Variants in LBX2 observed in about 807,000 individuals in gnomAD.
The protein encoded by LBX2 is ladybird homeobox 2, also known as transcription factor LBX2.
In LBX2, 6 loss-of-function variants were observed where a neutral mutation model predicts 7.5. The ratio of observed to expected loss-of-function variants is 0.80; its 90% CI spans 0.44 to 1.59. The LOEUF (loss-of-function observed/expected upper bound fraction) is 1.59, where lower values mean the gene tolerates loss of function less well. LBX2 is among the 40% of genes most tolerant of loss of function. LBX2 has a pLI of 0.01. For missense variants in LBX2, 281 were observed against 282.0 expected, an observed-to-expected ratio of 1.00 and a Z score of 0.03; for synonymous variants, 143 against 133.2, an observed-to-expected ratio of 1.07 and a Z score of -0.51.
At chr2:74,499,857 G>A (rs901085841), upstream of LBX2, 2 of 382,698 alleles carry the variant, frequency 5.2e-6, no homozygotes, top group Admixed American at 4.2e-5. This position sits in a 1 kb window ranked among gnomAD's most constrained non-coding sequence, Gnocchi z 4.6. Context: ...CAGTCAGGCC[G>A]GGCCATACCT....
At chr2:74,503,160 A>G (rs988835706), upstream of LBX2, 3 of 371,860 alleles carry the variant, frequency 8.1e-6, no homozygotes, top group African/African-American at 2.1e-5. This position sits in a 1 kb window ranked among gnomAD's most constrained non-coding sequence, Gnocchi z 5.1. Context: ...GCGCGAAGCC[A>G]GAGAGGACCC....
chr2:74,499,972 A>C (rs1452776343), upstream of LBX2, among the ~76,000 whole-genome samples: 1 of 152,138 alleles, frequency 6.6e-6, no homozygotes, highest in Non-Finnish European at 1.5e-5. The surrounding 1 kb of genome is among the most constrained non-coding windows in gnomAD (Gnocchi z 4.6). Context: ...GGGATTTGCA[A>C]AGTTCTGAGG....
chr2:74,503,099 C>T (rs1294388031), upstream of LBX2: 1 of 475,334 alleles, frequency 2.1e-6, no homozygotes, highest in Non-Finnish European at 3.7e-6. This position sits in a 1 kb window ranked among gnomAD's most constrained non-coding sequence, Gnocchi z 5.1. Context: ...CCTGCCGCCA[C>T]CTCTCCTTTG....
chr2:74,499,158 G>C lies in LBX2; in HGVS notation c.205+175C>G. ...CTTCCGGAGCCGCCGCGGAACCTAG[G>C]GACTAACGGAGGAGAGGTGAGAAGT... On this transcript the variant is annotated intron_variant, in intron 1 of 1. Coordinates refer to ENST00000377566, the MANE Select transcript of LBX2 (RefSeq NM_001282430.2). This position sits in a 1 kb window ranked among gnomAD's most constrained non-coding sequence, Gnocchi z 4.6. 3.1e-6 allele frequency: 2 copies of C among 639,576 alleles called. No homozygotes were observed. Among genetic ancestry groups the C allele is most frequent in the South Asian group, 3.9e-5 (2 of 51,406 alleles). The allele number at this position is 639,576 out of a possible 1,614,324, so 39.6% of individuals were successfully genotyped here.
upstream of LBX2, chr2:74,502,876 C>A: frequency 1.3e-6 from 2 of 1,582,564 alleles, no homozygotes; most frequent in Non-Finnish European, 8.6e-7. This position sits in a 1 kb window ranked among gnomAD's most constrained non-coding sequence, Gnocchi z 5.4. Flanking sequence ...CTGGGAAAGA[C>A]TGGCCAGGCT....
At chr2:74,499,857 G>C (rs901085841), upstream of LBX2, 1 of 382,698 alleles carries the variant, frequency 2.6e-6, no homozygotes, top group Non-Finnish European at 4.7e-6. The surrounding 1 kb of genome is among the most constrained non-coding windows in gnomAD (Gnocchi z 4.6). Flanking sequence ...CAGTCAGGCC[G>C]GGCCATACCT....
At chr2:74,500,805 A>G (rs1674469989), upstream of LBX2, among the ~76,000 whole-genome samples, 1 of 152,158 alleles carries the variant, frequency 6.6e-6, no homozygotes, top group South Asian at 2.1e-4. Flanking sequence ...AAGCCCTGCC[A>G]CTCCTGAGGA....
upstream of LBX2, chr2:74,499,767 C>T (rs1258593916): frequency 1.7e-6 from 1 of 590,630 alleles, no homozygotes; most frequent in East Asian, 2.9e-5. The surrounding 1 kb of genome is among the most constrained non-coding windows in gnomAD (Gnocchi z 4.6). Flanking sequence ...GGGGCAGGCG[C>T]GGAGAGCAGA....
upstream of LBX2, among the ~76,000 whole-genome samples, chr2:74,500,791 A>G (rs568742908): frequency 6.6e-6 from 1 of 152,318 alleles, no homozygotes; most frequent in South Asian, 2.1e-4. Flanking sequence ...ACCTTAGAGC[A>G]GGGAAGCCCT....
intron 1 of LBX2, chr2:74,498,610 T>C (rs1212634254): frequency 1.3e-5 from 6 of 449,296 alleles, no homozygotes; most frequent in Non-Finnish European, 2.4e-5. Context: ...GGTCAAACCT[T>C]CTGGGGTGGA....
chr2:74,499,640 G>A (rs920958585), upstream of LBX2: 37 of 1,273,190 alleles, frequency 2.9e-5, no homozygotes, highest in Admixed American at 9.8e-5. This position sits in a 1 kb window ranked among gnomAD's most constrained non-coding sequence, Gnocchi z 4.6. Context: ...CCTCGGACCC[G>A]CCCCCGGCTC....
chr2:74,499,608 G>T (rs1415365012), upstream of LBX2: 60 of 1,464,722 alleles, frequency 4.1e-5, no homozygotes, highest in Non-Finnish European at 5.4e-5. This position sits in a 1 kb window ranked among gnomAD's most constrained non-coding sequence, Gnocchi z 4.6. Flanking sequence ...CCCAGTGCTC[G>T]GCTCCCAATC....
At chr2:74,501,940 C>G (rs967520571), upstream of LBX2, 2 of 152,052 alleles carry the variant, frequency 1.3e-5, no homozygotes, top group Admixed American at 1.3e-4. Flanking sequence ...GTGCTCGCCT[C>G]TTCCCACCCG....
chr2:74,498,137 C>G lies in LBX2; in HGVS notation c.387G>C (p.Val129=), dbSNP rs926032243. 1.2e-6 allele frequency: 2 copies of G among 1,611,926 alleles called. No individual in the cohort carries two copies. Among genetic ancestry groups the G allele is most frequent in the Admixed American group, 3.3e-5 (2 of 59,966 alleles). ...ATRLGLANAQ[V]VTWFQNRRAK... is the part of the protein sequence containing the mutation. ...CTCGCCGGTTCTGGAACCAAGTGAC[C>G]ACCTGCGCGTTGGCCAGGCCGAGTC... Residue 129 remains valine (V), a synonymous_variant, in exon 2 of 2, where the codon GTG becomes GTC. Transcript: ENST00000377566.
At chr2:74,502,329 A>C, upstream of LBX2, 2 of 308,444 alleles carry the variant, frequency 6.5e-6, no homozygotes, top group South Asian at 5.7e-5. The surrounding 1 kb of genome is among the most constrained non-coding windows in gnomAD (Gnocchi z 5.4). Flanking sequence ...CACTGGTGGC[A>C]CGGAGGCCTG....
At position 74,499,379 on chromosome 2, in the gene LBX2, A is replaced by G. The variant is rs1674435445; in HGVS notation, c.159T>C (p.Ser53=). Residue 53 remains serine, a synonymous_variant, in exon 1 of 2, where the codon AGT becomes AGC. Coordinates refer to ENST00000377566, the MANE Select transcript of LBX2 (RefSeq NM_001282430.2). The surrounding 1 kb of genome is among the most constrained non-coding windows in gnomAD (Gnocchi z 4.6). ...GCGCGTCAAGTCCGCGGAAAGTTTT[A>G]CTAGTCAGCTCCTCCAGCGCGCACA... is the stretch of plus-strand genomic sequence containing the variant. ...SPLCALEELT[S]KTFRGLDARA... The G allele has an allele frequency of 2.6e-6, 4 of 1,550,548 alleles. No individual in the cohort carries two copies. The highest frequency in any genetic ancestry group is 3.5e-6 in the Non-Finnish European group (4 of 1,146,978).
intron 1 of LBX2, chr2:74,498,842 GA>G: frequency 5.1e-6 from 1 of 197,592 alleles, no homozygotes; most frequent in East Asian, 1.4e-4. Context: ...CAGAGAGCGA[GA>G]AAAGGCAGAG....
chr2:74,502,717 C>G (rs534154360), upstream of LBX2: 1 of 1,614,116 alleles, frequency 6.2e-7, no homozygotes, highest in African/African-American at 1.3e-5. The surrounding 1 kb of genome is among the most constrained non-coding windows in gnomAD (Gnocchi z 5.4). Flanking sequence ...CGCTGTTTTG[C>G]AAAGATCTCT....
chr2:74,502,729 C>G, upstream of LBX2: 1 of 1,614,048 alleles, frequency 6.2e-7, no homozygotes, highest in Non-Finnish European at 8.5e-7. This position sits in a 1 kb window ranked among gnomAD's most constrained non-coding sequence, Gnocchi z 5.4. Flanking sequence ...AAGATCTCTG[C>G]GCGCCCACCG....
Sources: gnomAD v4.1 joint callset for allele counts (sites outside exome capture counted in the v4.1 genomes callset) on GRCh38, gnomAD v4.1.1 for gene constraint, Gnocchi (gnomAD v3.1) non-coding constraint, MANE v1.5 for transcripts, NCBI Gene and HGNC (gene_info 2026-07-23, HGNC 2026-07-21) for gene names.